Variants in FGF10 observed in about 807,000 individuals in gnomAD.
FGF10 encodes the protein FGF-10.
A neutral mutation model predicts 19.8 loss-of-function variants in FGF10; 2 were observed. That is an observed-to-expected ratio of 0.10 (90% CI 0.04 to 0.32). The LOEUF (loss-of-function observed/expected upper bound fraction) is 0.32, where lower values mean the gene tolerates loss of function less well. FGF10 is among the 10% of genes least tolerant of loss of function. The probability of loss-of-function intolerance (pLI) is 1.00; values close to 1 mark genes in which losing one functional copy is unlikely to be tolerated. For synonymous variants in FGF10, 112 were observed against 94.0 expected, an observed-to-expected ratio of 1.19 and a Z score of -1.10; for missense variants, 191 against 246.3, an observed-to-expected ratio of 0.78 and a Z score of 1.50.
chr5:44,335,685 A>G (rs1740833006), intron 1 of FGF10, among the ~76,000 whole-genome samples: 1 of 152,228 alleles, frequency 6.6e-6, no homozygotes, highest in South Asian at 2.1e-4. Flanking sequence ...GAGTCAAGCC[A>G]TGATTAGAGT....
At chr5:44,346,082 C>T (rs1352711775) in intron 1 of FGF10, among the ~76,000 whole-genome samples, 1 of 151,786 alleles carries the variant, frequency 6.6e-6, no homozygotes, top group African/African-American at 2.4e-5. Context: ...CCAAAATTAA[C>T]TGATTTGTCC....
At chr5:44,366,654 G>T (rs2111871740) in intron 1 of FGF10, among the ~76,000 whole-genome samples, 2 of 152,072 alleles carry the variant, frequency 1.3e-5, no homozygotes, top group Non-Finnish European at 2.9e-5. Context: ...ATATCAATTT[G>T]CCTTCAAAAG....
chr5:44,301,475 T>A lies in FGF10; in HGVS notation c.*3520A>T, dbSNP rs571788386. Among the ~76,000 whole-genome samples, 3 of 152,314 alleles carry A rather than the reference T, an allele frequency of 2.0e-5. No individual in the cohort carries two copies. The highest frequency in any genetic ancestry group is 2.9e-5 in the Non-Finnish European group (2 of 68,018). ...TGCATTATTATGTATTTTTTCTCTCTAATTTTCAAATCAAATTCATTGGTC... is the reference window on the plus strand; with the variant it reads ...TGCATTATTATGTATTTTTTCTCTCAAATTTTCAAATCAAATTCATTGGTC... On this transcript the variant is annotated 3_prime_UTR_variant, in exon 3 of 3. Transcript: ENST00000264664.
At chr5:44,310,353 G>A in intron 2 of FGF10, 74 bp downstream of exon 2, 5 of 966,582 alleles carry the variant, frequency 5.2e-6, no homozygotes, top group Non-Finnish European at 8.3e-6. Flanking sequence ...GCTATTCGGT[G>A]TCTGGAGGAA....
intron 1 of FGF10, among the ~76,000 whole-genome samples, chr5:44,381,814 T>C (rs1166897647): frequency 6.6e-6 from 1 of 152,200 alleles, no homozygotes; most frequent in East Asian, 1.9e-4. Context: ...TCCCACACTA[T>C]TCAGAATTAG....
At chr5:44,364,229 G>A (rs896173106) in intron 1 of FGF10, among the ~76,000 whole-genome samples, 7 of 151,772 alleles carry the variant, frequency 4.6e-5, no homozygotes, top group South Asian at 2.1e-4. Flanking sequence ...GCCCTTAGAC[G>A]TATTAAGAAA....
At position 44,388,499 on chromosome 5, in the gene FGF10, T is replaced by C. The variant is rs898009871; in HGVS notation, c.184A>G (p.Ser62Gly). Residue 62 changes from serine (S) to glycine (G), a missense_variant, in exon 1 of 3, where the codon AGC (serine) becomes GGC (glycine). Physicochemically the swap from Ser to Gly is moderately conservative, Grantham distance 56. Transcript: ENST00000264664. ...TAGCTCCGCACATGCCTTCCCGCGC[T>C]GGAAGGAGAGGAGAAGGAGGAGGAA... is the stretch of plus-strand genomic sequence containing the variant. Reference protein sequence around the residue: ...SSSSSFSSPSSAGRHVRSYNH... With the variant: ...SSSSSFSSPSGAGRHVRSYNH... 3.1e-6 allele frequency: 5 copies of C among 1,613,812 alleles called. No individual in the cohort carries two copies. The African/African-American group carries it at 4.0e-5, about 13-fold the overall frequency.
intron 1 of FGF10, among the ~76,000 whole-genome samples, chr5:44,342,597 C>T (rs1343181318): frequency 6.6e-6 from 1 of 151,320 alleles, no homozygotes; most frequent in African/African-American, 2.4e-5. Context: ...TCTAGTAAAC[C>T]ACAGGCAGGA....
chr5:44,306,225 G>A (rs992550609), intron 2 of FGF10, among the ~76,000 whole-genome samples: 3 of 151,982 alleles, frequency 2.0e-5, no homozygotes, highest in Admixed American at 6.6e-5. Flanking sequence ...GTGAAACCCC[G>A]TCTATACTAA....
intron 1 of FGF10, among the ~76,000 whole-genome samples, chr5:44,320,378 A>C (rs769996512): frequency 1.3e-5 from 2 of 152,196 alleles, no homozygotes; most frequent in African/African-American, 2.4e-5. Context: ...TTTCAGTCAC[A>C]GTTTTGGTAA....
chr5:44,346,635 A>G (rs1471085991), intron 1 of FGF10, among the ~76,000 whole-genome samples: 3 of 151,776 alleles, frequency 2.0e-5, no homozygotes, highest in South Asian at 2.1e-4. Flanking sequence ...TGATTTTTGT[A>G]TAGCTTACTC....
chr5:44,349,445 T>TATATATATATATATCAGA (rs1741174078), intron 1 of FGF10, among the ~76,000 whole-genome samples: 1 of 13,844 alleles, frequency 7.2e-5, no homozygotes, highest in Non-Finnish European at 2.0e-4. Flanking sequence ...TATATATATA[T>TATATATATATATATCAGA]ATATATATAT....
At chr5:44,354,462 G>A (rs1741302906) in intron 1 of FGF10, among the ~76,000 whole-genome samples, 3 of 151,256 alleles carry the variant, frequency 2.0e-5, no homozygotes, top group Non-Finnish European at 4.4e-5. Flanking sequence ...CAGTTATGTG[G>A]GCTTTTTTAG....
chr5:44,341,566 C>G (rs964495771), intron 1 of FGF10, among the ~76,000 whole-genome samples: 2 of 151,588 alleles, frequency 1.3e-5, no homozygotes, highest in African/African-American at 4.8e-5. Flanking sequence ...TGAAGCAGAG[C>G]AATGAAAGCT....
intron 1 of FGF10, among the ~76,000 whole-genome samples, chr5:44,333,186 A>C (rs1050544175): frequency 6.6e-6 from 1 of 152,220 alleles, no homozygotes; most frequent in African/African-American, 2.4e-5. Flanking sequence ...TATTAAAATC[A>C]GTCTAGAGAG....
chr5:44,384,930 G>C (rs1742065076), intron 1 of FGF10, among the ~76,000 whole-genome samples: 1 of 151,940 alleles, frequency 6.6e-6, no homozygotes, highest in Admixed American at 6.6e-5. Context: ...TTCTACAAAT[G>C]ACAACCATGG....
intron 1 of FGF10, among the ~76,000 whole-genome samples, chr5:44,349,441 T>TCAGA (rs1215715228): frequency 1.1e-3 from 14 of 12,412 alleles, no homozygotes; most frequent in Non-Finnish European, 2.6e-3. Flanking sequence ...TATATATATA[T>TCAGA]ATATATATAT....
rs1426633675 is a variant in FGF10, at chr5:44,300,561, A to G, written c.*4434T>C. On this transcript the variant is annotated 3_prime_UTR_variant, in exon 3 of 3. Transcript: ENST00000264664. ...CAATGGTAAAGAACATATGAAAGAGAATGATCTTAAAACCTCTCTAACTTG... is the reference window on the plus strand; with the variant it reads ...CAATGGTAAAGAACATATGAAAGAGGATGATCTTAAAACCTCTCTAACTTG... 6.6e-6 allele frequency among the ~76,000 whole-genome samples: 1 copy of G among 152,202 alleles called. No individual in the cohort carries two copies. The highest frequency in any genetic ancestry group is 1.5e-5 in the Non-Finnish European group (1 of 68,030).
intron 1 of FGF10, among the ~76,000 whole-genome samples, chr5:44,363,142 T>C (rs1413391734): frequency 6.6e-6 from 1 of 151,818 alleles, no homozygotes; most frequent in East Asian, 1.9e-4. Context: ...TTCCTAGGTA[T>C]TGCATGTCAT....
Sources: gnomAD v4.1 joint callset for allele counts (sites outside exome capture counted in the v4.1 genomes callset) on GRCh38, gnomAD v4.1.1 for gene constraint, MANE v1.5 for transcripts, NCBI Gene and HGNC (gene_info 2026-07-23, HGNC 2026-07-21) for gene names.